GPNMB: variants seen among roughly 807,000 people sequenced by gnomAD.
The protein encoded by GPNMB is transmembrane glycoprotein NMB.
In GPNMB, 71 loss-of-function variants were observed where a neutral mutation model predicts 57.3. The ratio of observed to expected loss-of-function variants is 1.24; its 90% CI spans 1.02 to 1.51. The LOEUF (loss-of-function observed/expected upper bound fraction) is 1.51. Among genes scored for constraint, GPNMB ranks in the 40% most tolerant of loss-of-function variants. The pLI, the probability that GPNMB is intolerant of heterozygous loss-of-function variation, is 0.00. For missense variants in GPNMB, 677 were observed against 691.9 expected (o/e 0.98, Z 0.24); for synonymous variants, 253 against 263.2 (o/e 0.96, Z 0.38).
At chr7:23,273,843 A>G (rs2268747) in intron 10 of GPNMB, 198,826 of 581,138 alleles carry the variant, frequency 0.34, 35,133 homozygotes, top group Middle Eastern at 0.42. Flanking sequence ...AATTATGTCA[A>G]CTTAATTTTA....
In GPNMB at chr7:23,265,972, G is replaced by A. The variant is rs147393548; in HGVS notation, c.1019-545G>A. 8.4e-3 allele frequency among the ~76,000 whole-genome samples: 1,269 copies of A among 150,612 alleles called. 20 individuals are homozygous for A. Among genetic ancestry groups the A allele is most frequent in the African/African-American group, 0.029 (1,188 of 40,800 alleles). On this transcript the variant is annotated intron_variant, in intron 6 of 10. Coordinates refer to ENST00000258733, the MANE Select transcript of GPNMB (RefSeq NM_002510.3). ...TACAGTTTCAACCTTTTTTTGAGAC[G>A]GAGTCTCGCTCTGTCACCCAGGCTG...
intron 3 of GPNMB, 55 bp from the exon 4 acceptor site, chr7:23,256,837 C>G (rs922357947): frequency 6.9e-7 from 1 of 1,449,216 alleles, no homozygotes; most frequent in Non-Finnish European, 9.6e-7. Context: ...GATGCATGCA[C>G]ATTGGGTTTT....
chr7:23,270,383 G>C (rs541317041), intron 9 of GPNMB, among the ~76,000 whole-genome samples: 1 of 152,248 alleles, frequency 6.6e-6, no homozygotes, highest in East Asian at 1.9e-4. Flanking sequence ...TGGTGAAATA[G>C]TGGCCAAAGA....
intron 6 of GPNMB, among the ~76,000 whole-genome samples, chr7:23,261,054 A>G (rs973935778): frequency 3.9e-5 from 6 of 152,134 alleles, no homozygotes; most frequent in African/African-American, 1.4e-4. Flanking sequence ...CTATGTGTAC[A>G]CACTCTCCCC....
At position 23,254,153 on chromosome 7, in the gene GPNMB, CT is replaced by C. The variant is rs772283661; in HGVS notation, c.224-10del. 3.1e-6 allele frequency: 5 copies of C among 1,587,852 alleles called. No individual in the cohort carries two copies. The highest frequency in any genetic ancestry group is 1.4e-5 in the African/African-American group (1 of 73,686). Reference sequence around the variant, plus strand: ...AAAGATGCTGGATCATCGAGCCCCACTTTTTTATACCCTAGGAGGCCGTGTG... The same window carrying C: ...AAAGATGCTGGATCATCGAGCCCCACTTTTTATACCCTAGGAGGCCGTGTG... On this transcript the variant is annotated splice_polypyrimidine_tract_variant and intron_variant, in intron 2 of 10. Coordinates refer to ENST00000258733, the MANE Select transcript of GPNMB (RefSeq NM_002510.3).
At chr7:23,248,771 A>G (rs566999318) in intron 1 of GPNMB, among the ~76,000 whole-genome samples, 25 of 147,564 alleles carry the variant, frequency 1.7e-4, no homozygotes, top group African/African-American at 5.3e-4. Context: ...TCTGCTTACT[A>G]TTGGGTTTTT....
intron 8 of GPNMB, among the ~76,000 whole-genome samples, chr7:23,269,108 T>G (rs1783137542): frequency 6.6e-6 from 1 of 152,170 alleles, no homozygotes; most frequent in South Asian, 2.1e-4. Context: ...TGAGAGAGGC[T>G]GGGTGCTGTG....
chr7:23,252,307 G>C (rs1367747176), intron 1 of GPNMB, among the ~76,000 whole-genome samples: 2 of 152,172 alleles, frequency 1.3e-5, no homozygotes, highest in Non-Finnish European at 2.9e-5. Flanking sequence ...TGCCAGACTG[G>C]ATTTTTAAAC....
Position 23,253,324 on chromosome 7 carries a change from G to C in GPNMB, c.88G>C (p.Gly30Arg). ...TGATACAGGATTTCATGATGTGCTGGGCAATGAAAGACCTTCTGCTTACAT... is the reference window on the plus strand; with the variant it reads ...TGATACAGGATTTCATGATGTGCTGCGCAATGAAAGACCTTCTGCTTACAT... Reference protein sequence around the residue: ...DAAKRFHDVLGNERPSAYMRE... With the variant: ...DAAKRFHDVLRNERPSAYMRE... The change falls in exon 2 of 11, where the codon GGC becomes CGC. Residue 30 changes from glycine (G) to arginine (R), a missense_variant. Gly to Arg is a moderately radical substitution (Grantham distance 125, BLOSUM62 -2). Coordinates refer to ENST00000258733, the MANE Select transcript of GPNMB (RefSeq NM_002510.3). 1.2e-6 allele frequency: 2 copies of C among 1,613,594 alleles called. No homozygotes were observed. The highest frequency in any genetic ancestry group is 1.7e-6 in the Non-Finnish European group (2 of 1,179,666).
At chr7:23,260,252 C>T (rs1226078542) in intron 5 of GPNMB, 114 bp downstream of exon 5, 1 of 1,143,010 alleles carries the variant, frequency 8.7e-7, no homozygotes, top group Non-Finnish European at 1.3e-6. Context: ...ATCTGGCCCA[C>T]CTAAGCTTGT....
chr7:23,249,657 A>G (rs1009222650), intron 1 of GPNMB, among the ~76,000 whole-genome samples: 1 of 152,228 alleles, frequency 6.6e-6, no homozygotes, highest in Non-Finnish European at 1.5e-5. Context: ...TCTTTGTCAC[A>G]GAGTAGTATT....
intron 9 of GPNMB, 54 bp from the exon 10 acceptor site, chr7:23,273,467 G>A (rs1326518896): frequency 1.8e-6 from 2 of 1,099,294 alleles, no homozygotes; most frequent in East Asian, 2.4e-5. Flanking sequence ...CATTATAAGC[G>A]GCATGTCCTC....
chr7:23,259,452 G>A (rs199352), intron 4 of GPNMB, among the ~76,000 whole-genome samples: 9,924 of 152,156 alleles, frequency 0.065, 528 homozygotes, highest in African/African-American at 0.13. Context: ...AAAATGCTGG[G>A]ATTACAGGCA....
chr7:23,248,041 C>T (rs1782575245), intron 1 of GPNMB: 1 of 152,238 alleles, frequency 6.6e-6, no homozygotes, highest in African/African-American at 2.4e-5. Context: ...CCTTCCTGCC[C>T]GGGTTTGGGG....
rs769015018 is a variant in GPNMB at position 23,253,422 on chromosome 7, G to C, written c.186G>C (p.Trp62Cys). 3 of 1,613,888 alleles carry C rather than the reference G, an allele frequency of 1.9e-6. No individual in the cohort carries two copies. Among genetic ancestry groups the C allele is most frequent in the Non-Finnish European group, 2.5e-6 (3 of 1,179,908 alleles). Residue 62 changes from tryptophan to cysteine, a missense_variant, in exon 2 of 11, where the codon TGG becomes TGC. Physicochemically the swap from Trp to Cys is radical, Grantham distance 215. Coordinates refer to ENST00000258733, the MANE Select transcript of GPNMB (RefSeq NM_002510.3). Reference protein sequence around the residue: ...NDWNEKLYPVWKRGDMRWKNS... With the variant: ...NDWNEKLYPVCKRGDMRWKNS... ...GGAATGAAAAACTCTACCCAGTGTG[G>C]AAGCGGGGAGACATGAGGTGGAAAA...
intron 4 of GPNMB, among the ~76,000 whole-genome samples, chr7:23,259,748 T>C (rs530883872): frequency 1.3e-5 from 2 of 152,198 alleles, no homozygotes; most frequent in African/African-American, 2.4e-5. Context: ...ACTAAACAGC[T>C]TTTTAAATTT....
intron 8 of GPNMB, among the ~76,000 whole-genome samples, chr7:23,268,395 A>G (rs1783121074): frequency 6.6e-6 from 1 of 152,194 alleles, no homozygotes; most frequent in Admixed American, 6.5e-5. Context: ...AGGAGAGAGC[A>G]GCTCACAGGA....
chr7:23,253,813 G>A (rs1001601943), intron 2 of GPNMB, among the ~76,000 whole-genome samples: 36 of 152,218 alleles, frequency 2.4e-4, no homozygotes, highest in African/African-American at 8.2e-4. Context: ...TATCAGAAAC[G>A]GAAAATCTTT....
intron 9 of GPNMB, 56 bp from the exon 10 acceptor site, chr7:23,273,465 G>A (rs1390279066): frequency 1.9e-6 from 2 of 1,079,014 alleles, no homozygotes; most frequent in East Asian, 4.8e-5. Flanking sequence ...GGCATTATAA[G>A]CGGCATGTCC....
Sources: gnomAD v4.1 joint callset for allele counts (sites outside exome capture counted in the v4.1 genomes callset) on GRCh38, gnomAD v4.1.1 for gene constraint, MANE v1.5 for transcripts, NCBI Gene and HGNC (gene_info 2026-07-23, HGNC 2026-07-21) for gene names.